PPP2R5E: variants seen among roughly 807,000 people sequenced by gnomAD.
PPP2R5E encodes the protein protein phosphatase 2 regulatory subunit B'epsilon, also known as serine/threonine-protein phosphatase 2A 56 kDa regulatory subunit epsilon isoform.
PPP2R5E carries 4 observed loss-of-function variants against 65.3 expected under a neutral mutation model. That is an observed-to-expected ratio of 0.06 (90% confidence interval 0.03 to 0.14). The LOEUF is 0.14. Among genes scored for constraint, PPP2R5E ranks in the 10% least tolerant of loss-of-function variants. The pLI, the probability that PPP2R5E is intolerant of heterozygous loss-of-function variation, is 1.00. For synonymous variants in PPP2R5E, 183 were observed against 187.4 expected, an observed-to-expected ratio of 0.98 and a Z score of 0.19; for missense variants, 274 against 556.1, an observed-to-expected ratio of 0.49 and a Z score of 5.10.
intron 2 of PPP2R5E, among the ~76,000 whole-genome samples, chr14:63,467,352 T>TTACA (rs1889887721): frequency 6.6e-6 from 1 of 152,150 alleles, no homozygotes; most frequent in Non-Finnish European, 1.5e-5. Flanking sequence ...ATATGCATGC[T>TTACA]TACAGTGCAA....
intron 11 of PPP2R5E, 79 bp downstream of exon 11, chr14:63,389,533 C>A: frequency 6.9e-7 from 1 of 1,442,538 alleles, no homozygotes; most frequent in South Asian, 1.4e-5. Flanking sequence ...AGCTAGGGTC[C>A]ATTACATTGC....
At chr14:63,410,844 GC>G (rs1489927199) in intron 5 of PPP2R5E, among the ~76,000 whole-genome samples, 2 of 152,176 alleles carry the variant, frequency 1.3e-5, no homozygotes, top group Non-Finnish European at 1.5e-5. Flanking sequence ...ACCCCTGCTT[GC>G]CACTTTCACA....
chr14:63,521,272 A>G (rs371680845), intron 2 of PPP2R5E, among the ~76,000 whole-genome samples: 5 of 152,350 alleles, frequency 3.3e-5, no homozygotes, highest in South Asian at 2.1e-4. Flanking sequence ...TCTATTCAAC[A>G]TAAGTTTTAG....
At chr14:63,471,793 C>T (rs942902899) in intron 2 of PPP2R5E, among the ~76,000 whole-genome samples, 1 of 152,186 alleles carries the variant, frequency 6.6e-6, no homozygotes, top group African/African-American at 2.4e-5. Flanking sequence ...TGGCTTATCA[C>T]TACTGATCAT....
intron 11 of PPP2R5E, among the ~76,000 whole-genome samples, chr14:63,388,171 G>A (rs776057892): frequency 1.1e-4 from 16 of 144,760 alleles, no homozygotes; most frequent in Non-Finnish European, 2.4e-4. Context: ...ATGGAGTTTC[G>A]CTCTTGTTGC....
At chr14:63,410,249 A>G (rs1196124734) in intron 5 of PPP2R5E, among the ~76,000 whole-genome samples, 3 of 152,180 alleles carry the variant, frequency 2.0e-5, no homozygotes, top group Admixed American at 6.5e-5. Context: ...AATCTGCCCA[A>G]AGAAAAGAAA....
intron 13 of PPP2R5E, 81 bp from the exon 14 acceptor site, chr14:63,376,189 T>A: frequency 1.0e-6 from 1 of 986,314 alleles, no homozygotes; most frequent in Non-Finnish European, 1.6e-6. Context: ...AATTTCACCT[T>A]AACACTCCTT....
intron 3 of PPP2R5E, among the ~76,000 whole-genome samples, chr14:63,423,602 GA>G (rs1887165804): frequency 6.6e-6 from 1 of 152,210 alleles, no homozygotes. Flanking sequence ...AAAGAAAGGA[GA>G]TATTGCATCA....
chr14:63,469,887 T>C (rs896817246), intron 2 of PPP2R5E, among the ~76,000 whole-genome samples: 1 of 152,194 alleles, frequency 6.6e-6, no homozygotes, highest in Admixed American at 6.5e-5. Flanking sequence ...TGCAAGATAT[T>C]CAGTTTTATT....
At chr14:63,529,211 G>T (rs185834185) in intron 2 of PPP2R5E, among the ~76,000 whole-genome samples, 1 of 151,998 alleles carries the variant, frequency 6.6e-6, no homozygotes, top group East Asian at 1.9e-4. Context: ...ATCCTCCTGC[G>T]TCCTCCCAAA....
chr14:63,456,813 G>C (rs1222293132), intron 2 of PPP2R5E, among the ~76,000 whole-genome samples: 2 of 152,190 alleles, frequency 1.3e-5, no homozygotes, highest in Admixed American at 6.5e-5. Flanking sequence ...GAAGAAAGCA[G>C]ACAAAATGAA....
chr14:63,497,308 A>G (rs1049604450), intron 2 of PPP2R5E, among the ~76,000 whole-genome samples: 1 of 152,272 alleles, frequency 6.6e-6, no homozygotes, highest in East Asian at 1.9e-4. Flanking sequence ...GGATCTGAAG[A>G]CTGACTCCGT....
rs371321808 is a variant in PPP2R5E, at chr14:63,440,936, G to A, written c.354+12753C>T. Among the ~76,000 whole-genome samples, 53 of 114,498 alleles carry A rather than the reference G, an allele frequency of 4.6e-4. No homozygotes were observed. In the East Asian group the frequency reaches 0.012, roughly 26 times the overall value. The allele number at this position is 114,498 out of a possible 152,430, so 75.1% of individuals were successfully genotyped here. On this transcript the variant is annotated intron_variant, in intron 3 of 13. Coordinates refer to ENST00000337537, the MANE Select transcript of PPP2R5E (RefSeq NM_006246.5). ...TGCACTCCAGCCTGGGCAACAGAGC[G>A]AGACTCCATCTCAAAAAAAAAAAAA...
chr14:63,530,630 CTTTTTTTTTTTT>C (rs954359159), intron 2 of PPP2R5E, among the ~76,000 whole-genome samples: 6 of 81,294 alleles, frequency 7.4e-5, no homozygotes, highest in East Asian at 3.9e-4. Context: ...CTCTCAATTT[CTTTTTTTTTTTT>C]TTTTTTTTTT....
chr14:63,519,191 G>A (rs1892782520), intron 2 of PPP2R5E, among the ~76,000 whole-genome samples: 1 of 151,970 alleles, frequency 6.6e-6, no homozygotes, highest in Non-Finnish European at 1.5e-5. Context: ...TCCAGGCTGG[G>A]CAACAAGAGC....
intron 2 of PPP2R5E, among the ~76,000 whole-genome samples, chr14:63,475,217 AGAG>A (rs1890348660): frequency 6.6e-6 from 1 of 152,208 alleles, no homozygotes; most frequent in Non-Finnish European, 1.5e-5. Flanking sequence ...AAACTTCCCT[AGAG>A]AAAGGTTCTG....
chr14:63,445,381 T>C (rs1258939488), intron 3 of PPP2R5E, among the ~76,000 whole-genome samples: 1 of 152,226 alleles, frequency 6.6e-6, no homozygotes, highest in African/African-American at 2.4e-5. Flanking sequence ...CAAAAATGGA[T>C]ATACCTTAAA....
At chr14:63,448,292 A>G (rs1888615591) in intron 3 of PPP2R5E, among the ~76,000 whole-genome samples, 1 of 151,982 alleles carries the variant, frequency 6.6e-6, no homozygotes, top group South Asian at 2.1e-4. Context: ...GCGGGACTCC[A>G]TCTCAAAAAT....
chr14:63,484,374 C>A (rs1338248669), intron 2 of PPP2R5E, among the ~76,000 whole-genome samples: 1 of 151,870 alleles, frequency 6.6e-6, no homozygotes, highest in Non-Finnish European at 1.5e-5. Flanking sequence ...CACACACACA[C>A]ACACACACAC....
Sources: allele counts gnomAD v4.1 joint callset (sites outside exome capture counted in the v4.1 genomes callset), GRCh38; gene constraint gnomAD v4.1.1; transcripts MANE v1.5; gene names NCBI Gene and HGNC (gene_info 2026-07-23, HGNC 2026-07-21).